FAM199X: variants seen among roughly 807,000 people sequenced by gnomAD.
FAM199X encodes the protein family with sequence similarity 199, X-linked.
FAM199X carries 4 observed loss-of-function variants against 22.9 expected under a neutral mutation model. The ratio of observed to expected loss-of-function variants is 0.17; its 90% CI spans 0.09 to 0.40. The LOEUF is 0.40. Ranked by LOEUF, FAM199X falls within the 10% of genes least tolerant of loss-of-function variation. The pLI is 1.00. For missense variants in FAM199X, 183 were observed against 306.8 expected (o/e 0.60, Z 3.01); for synonymous variants, 101 against 112.3 (o/e 0.90, Z 0.64).
chrX:104,157,588 C>T, the FAM199X span, among the ~76,000 whole-genome samples: 1 of 112,161 alleles, frequency 8.9e-6, no homozygotes, highest in Non-Finnish European at 1.9e-5. Flanking sequence ...TAAAATTTCA[C>T]ATGTGAGGAG....
chrX:104,160,625 T>C, the FAM199X span, among the ~76,000 whole-genome samples: 1 of 112,451 alleles, frequency 8.9e-6, no homozygotes, highest in African/African-American at 3.2e-5. Flanking sequence ...CAGACCGGAT[T>C]ACCAGCTTGC....
chrX:104,186,357 A>G (rs1921807227), intron 3 of FAM199X, 103 bp from the exon 4 acceptor site: 3 of 1,083,583 alleles, frequency 2.8e-6, no homozygotes, highest in South Asian at 2.2e-5. Flanking sequence ...TCAGGGAACA[A>G]ATATAACCTT....
intron 5 of FAM199X, among the ~76,000 whole-genome samples, chrX:104,188,766 G>A (rs900267434): frequency 3.6e-5 from 4 of 110,036 alleles, no homozygotes; most frequent in African/African-American, 1.0e-4. Flanking sequence ...TATAATTTCT[G>A]TCTACTCTTT....
chrX:104,172,177 G>A (rs1921369067), intron 1 of FAM199X, among the ~76,000 whole-genome samples: 1 of 108,141 alleles, frequency 9.2e-6, no homozygotes, highest in Non-Finnish European at 1.9e-5. Flanking sequence ...CAAGGTGGGA[G>A]GATTGCTTGA....
the FAM199X span, among the ~76,000 whole-genome samples, chrX:104,158,827 G>A: frequency 9.0e-6 from 1 of 111,501 alleles, no homozygotes. Context: ...ATGAAGCACT[G>A]CCTTGTCCCT....
chrX:104,164,208 A>G (rs1206203856), upstream of FAM199X, among the ~76,000 whole-genome samples: 1 of 112,088 alleles, frequency 8.9e-6, no homozygotes, highest in Non-Finnish European at 1.9e-5. Flanking sequence ...ACTGACTGGC[A>G]AGCATATGCT....
upstream of FAM199X, among the ~76,000 whole-genome samples, chrX:104,161,915 T>C (rs374069690): frequency 1.8e-5 from 2 of 111,938 alleles, no homozygotes; most frequent in African/African-American, 6.5e-5. Context: ...TCCCCTTGGT[T>C]GGTATTTCTC....
At chrX:104,180,696 T>C (rs1163177084) in intron 2 of FAM199X, among the ~76,000 whole-genome samples, 1 of 112,072 alleles carries the variant, frequency 8.9e-6, no homozygotes, top group Non-Finnish European at 1.9e-5. Flanking sequence ...TGTCTTGTAT[T>C]TGTGGGATTT....
At chrX:104,161,125 CA>C in the FAM199X span, among the ~76,000 whole-genome samples, 1 of 110,937 alleles carries the variant, frequency 9.0e-6, no homozygotes, top group Non-Finnish European at 1.9e-5. Context: ...TCTTCCTCTC[CA>C]AAAAAATCAG....
chrX:104,186,193 G>A lies in FAM199X; in HGVS notation c.545G>A (p.Ser182Asn). The stretch of plus-strand genomic sequence containing the variant: ...CGGAATTTAGATGAACTCCCTTGGA[G>A]TGCAATGACAAATGATGAGCAGGTA... ...KHRNLDELPW[S>N]AMTNDEQVEY... The change falls in exon 3 of 6, where the codon AGT (serine) becomes AAT (asparagine). Residue 182 changes from serine (S) to asparagine (N), a missense_variant. Coordinates refer to ENST00000493442, the MANE Select transcript of FAM199X (RefSeq NM_207318.4). 8.3e-7 allele frequency: 1 copy of A among 1,208,606 alleles called. No homozygotes were observed. Among genetic ancestry groups the A allele is most frequent in the Non-Finnish European group, 1.1e-6 (1 of 894,908 alleles).
At chrX:104,160,052 A>G in the FAM199X span, among the ~76,000 whole-genome samples, 2 of 112,136 alleles carry the variant, frequency 1.8e-5, no homozygotes, top group Non-Finnish European at 3.8e-5. Context: ...CCCAAGAATC[A>G]TGCCCCACCT....
the FAM199X span, among the ~76,000 whole-genome samples, chrX:104,158,243 C>T: frequency 9.0e-6 from 1 of 111,726 alleles, no homozygotes; most frequent in East Asian, 2.8e-4. Context: ...ACTAGGTTCT[C>T]TTCAGAAGCA....
chrX:104,195,545 C>CA lies in FAM199X; in HGVS notation c.*5773dup, dbSNP rs1202971766. ...GGGCAGTAGGTCTAATTTTTTTTGACAAAAAATAGATCTATTTTCCTTATA... is the reference window on the plus strand; with the variant it reads ...GGGCAGTAGGTCTAATTTTTTTTGACAAAAAAATAGATCTATTTTCCTTATA... On this transcript the variant is annotated 3_prime_UTR_variant, in exon 6 of 6. Coordinates refer to ENST00000493442, the MANE Select transcript of FAM199X (RefSeq NM_207318.4). The CA allele has an allele frequency of 1.8e-5, 2 of 110,530 alleles. No homozygotes were observed. The highest frequency in any genetic ancestry group is 3.8e-5 in the Non-Finnish European group (2 of 52,756). The allele number at this position is 110,530 out of a possible 1,213,427, so 9.1% of individuals were successfully genotyped here.
rs1922021234 is a variant in FAM199X, at chrX:104,194,898, T to C, written c.*5120T>C. The C allele has an allele frequency of 9.0e-6, 1 of 110,805 alleles. No homozygotes were observed. Among genetic ancestry groups the C allele is most frequent in the Non-Finnish European group, 1.9e-5 (1 of 52,889 alleles). 9.1% of individuals were successfully genotyped at this position (110,805 alleles called of 1,213,427 possible). ...TGTTAACCAGGATTTTTTTTTCCTG[T>C]ATTACTGCTAAATATATTACTATAT... On this transcript the variant is annotated 3_prime_UTR_variant, in exon 6 of 6. Transcript: ENST00000493442.
At position 104,195,010 on chromosome X, in the gene FAM199X, G is replaced by A. The variant is rs1386001584; in HGVS notation, c.*5232G>A. 1 of 109,661 alleles carries A rather than the reference G, an allele frequency of 9.1e-6. No individual in the cohort carries two copies. The highest frequency in any genetic ancestry group is 2.8e-4 in the East Asian group (1 of 3,543). 9.0% of individuals were successfully genotyped at this position (109,661 alleles called of 1,213,427 possible). A position where few individuals can be genotyped will look rare whatever the true frequency, so the allele number is the denominator to read the frequency against. ...AAGCCTGTTTTCCCTGAAGCTGTGAGGGAATAACAATAGTTGTATCATAAG... is the reference window on the plus strand; with the variant it reads ...AAGCCTGTTTTCCCTGAAGCTGTGAAGGAATAACAATAGTTGTATCATAAG... On this transcript the variant is annotated 3_prime_UTR_variant, in exon 6 of 6. Transcript: ENST00000493442.
intron 2 of FAM199X, among the ~76,000 whole-genome samples, chrX:104,183,475 GT>G (rs1170794300): frequency 6.8e-5 from 7 of 103,353 alleles, no homozygotes; most frequent in East Asian, 3.0e-4. Context: ...GTTTTCTTTT[GT>G]TTTTTTTTTT....
intron 5 of FAM199X, among the ~76,000 whole-genome samples, chrX:104,188,719 T>C (rs1255993871): frequency 1.8e-5 from 2 of 112,107 alleles, no homozygotes; most frequent in African/African-American, 6.5e-5. Context: ...TAATCTTAAA[T>C]GTTTCTTCTT....
At chrX:104,168,063 A>G (rs1921258810) in intron 1 of FAM199X, among the ~76,000 whole-genome samples, 1 of 112,196 alleles carries the variant, frequency 8.9e-6, no homozygotes, top group African/African-American at 3.2e-5. Context: ...CCCTTCCCTT[A>G]AATCAGTCTG....
chrX:104,175,972 C>T, intron 2 of FAM199X, 130 bp downstream of exon 2: 3 of 463,978 alleles, frequency 6.5e-6, no homozygotes, highest in Non-Finnish European at 1.0e-5. Flanking sequence ...GATTCTCTGA[C>T]ATGTTTTAAG....
Sources: gnomAD v4.1 joint callset for allele counts (sites outside exome capture counted in the v4.1 genomes callset) on GRCh38, gnomAD v4.1.1 for gene constraint, MANE v1.5 for transcripts, NCBI Gene and HGNC (gene_info 2026-07-23, HGNC 2026-07-21) for gene names.